Variants in COL28A1 observed in about 807,000 individuals in gnomAD.
COL28A1 encodes collagen type XXVIII alpha 1 chain, also known as collagen alpha-1(XXVIII) chain.
Under a neutral mutation model 150.2 loss-of-function variants are expected in COL28A1, and 161 were observed. That is an observed-to-expected ratio of 1.07 (90% CI 0.94 to 1.22). The LOEUF is 1.22. COL28A1 is among the 50% of genes most tolerant of loss of function. The pLI is 0.00. For missense variants in COL28A1, 1,617 were observed against 1,388.3 expected (o/e 1.16, Z -2.62); for synonymous variants, 552 against 469.7 (o/e 1.18, Z -2.26).
At chr7:7,480,456 C>A (rs1789292371) in intron 13 of COL28A1, among the ~76,000 whole-genome samples, 1 of 152,068 alleles carries the variant, frequency 6.6e-6, no homozygotes, top group Admixed American at 6.6e-5. Context: ...TAAATAGGAG[C>A]ATGAAAATTA....
At chr7:7,468,037 A>T (rs1209877783) in intron 15 of COL28A1, among the ~76,000 whole-genome samples, 2 of 39,934 alleles carry the variant, frequency 5.0e-5, no homozygotes, top group Non-Finnish European at 8.8e-5. Context: ...CTAACATCAC[A>T]ATTAAAAGAA....
At chr7:7,541,095 A>G in the COL28A1 span, among the ~76,000 whole-genome samples, 1 of 152,310 alleles carries the variant, frequency 6.6e-6, no homozygotes, top group African/African-American at 2.4e-5. Context: ...TAAGAGCATT[A>G]AGTAACTTAT....
chr7:7,417,806 C>T, intron 27 of COL28A1, 53 bp downstream of exon 27: 1 of 1,478,228 alleles, frequency 6.8e-7, no homozygotes, highest in Non-Finnish European at 9.4e-7. Context: ...ACCTCTTCTC[C>T]CAATCACTCT....
intron 32 of COL28A1, among the ~76,000 whole-genome samples, chr7:7,372,267 C>T (rs537555388): frequency 2.0e-5 from 3 of 151,596 alleles, no homozygotes; most frequent in African/African-American, 4.8e-5. Flanking sequence ...GGCATGGTGG[C>T]GCGTGCCTGT....
chr7:7,380,680 TG>T lies in COL28A1; in HGVS notation c.2301del (p.Gly769GlufsTer3). ...GSPGKQGLQG[P>X]KGDLGLTKEE... ...CTCACTGTAAGTCCTAGGTCTCCTTTGGGTCCTTGTAAACCCTACTTAGTGG... is the reference window on the plus strand; with the variant it reads ...CTCACTGTAAGTCCTAGGTCTCCTTTGGTCCTTGTAAACCCTACTTAGTGG... On this transcript the variant is annotated frameshift_variant, in exon 30 of 35. Coordinates refer to ENST00000399429, the MANE Select transcript of COL28A1 (RefSeq NM_001037763.3). LOFTEE classifies it high-confidence loss of function. The T allele has an allele frequency of 1.2e-6, 2 of 1,613,844 alleles. No individual in the cohort carries two copies. The highest frequency in any genetic ancestry group is 1.7e-6 in the Non-Finnish European group (2 of 1,179,724).
At chr7:7,364,225 A>C (rs1349432435) in intron 33 of COL28A1, among the ~76,000 whole-genome samples, 1 of 152,230 alleles carries the variant, frequency 6.6e-6, no homozygotes, top group Non-Finnish European at 1.5e-5. Context: ...GAGTAACAGA[A>C]TATGCCTCCC....
upstream of COL28A1, among the ~76,000 whole-genome samples, chr7:7,537,203 G>A (rs899658402): frequency 1.3e-5 from 2 of 152,192 alleles, no homozygotes; most frequent in Non-Finnish European, 2.9e-5. Context: ...ATACAAGGCA[G>A]GAACCAGCCC....
At chr7:7,350,543 C>T in the COL28A1 span, among the ~76,000 whole-genome samples, 1 of 151,902 alleles carries the variant, frequency 6.6e-6, no homozygotes, top group East Asian at 1.9e-4. Flanking sequence ...TATACCAATT[C>T]CAATATTTAT....
chr7:7,435,311 G>C (rs911468729), intron 23 of COL28A1, among the ~76,000 whole-genome samples: 1 of 152,208 alleles, frequency 6.6e-6, no homozygotes, highest in Non-Finnish European at 1.5e-5. Flanking sequence ...CATAGCTGCA[G>C]TTTTCAAATT....
At chr7:7,511,662 T>C (rs1203570146) in intron 8 of COL28A1, 4 of 457,426 alleles carry the variant, frequency 8.7e-6, no homozygotes, top group African/African-American at 2.0e-5. Flanking sequence ...CTTGACCACC[T>C]AGTAGTGTTC....
chr7:7,488,812 T>C (rs186566634), intron 13 of COL28A1, among the ~76,000 whole-genome samples: 1 of 152,324 alleles, frequency 6.6e-6, no homozygotes, highest in East Asian at 1.9e-4. Context: ...CAGATCTTCC[T>C]AGAAAATTTT....
chr7:7,399,887 A>C (rs1783070521), intron 27 of COL28A1, among the ~76,000 whole-genome samples: 1 of 152,252 alleles, frequency 6.6e-6, no homozygotes, highest in South Asian at 2.1e-4. Flanking sequence ...TGCATAGGCC[A>C]CTTCAGCAGA....
intron 27 of COL28A1, among the ~76,000 whole-genome samples, chr7:7,389,388 G>A (rs536388057): frequency 5.3e-5 from 8 of 152,134 alleles, no homozygotes; most frequent in East Asian, 3.9e-4. Context: ...CATGCTGTTT[G>A]GGTTACTGTA....
In COL28A1 at chr7:7,417,906, A is replaced by T; in HGVS notation, c.2089T>A (p.Leu697Met). ...GPKGDTGQKGLPGPPGPPGYG... is the reference protein window; with the variant it reads ...GPKGDTGQKGMPGPPGPPGYG... ...CCAGGGGGGCCAGGAGGGCCAGGCA[A>T]GCCTTTCTGCCCAGTATCACCCTGT... The change falls in exon 27 of 35, where the codon TTG (leucine) becomes ATG (methionine). Residue 697 changes from leucine to methionine, a missense_variant. Transcript: ENST00000399429. 1 of 1,613,550 alleles carries T rather than the reference A, an allele frequency of 6.2e-7. No homozygotes were observed. The highest frequency in any genetic ancestry group is 8.5e-7 in the Non-Finnish European group (1 of 1,179,708).
At chr7:7,431,563 C>A (rs1427602113) in intron 25 of COL28A1, 1 of 471,016 alleles carries the variant, frequency 2.1e-6, no homozygotes. Flanking sequence ...GCCATTTTGG[C>A]TGAATGTCGG....
chr7:7,357,102 T>G (rs1259497980), downstream of COL28A1: 1 of 152,202 alleles, frequency 6.6e-6, no homozygotes, highest in Non-Finnish European at 1.5e-5. Context: ...CAGGCTGGAG[T>G]GCAGTGGGGC....
chr7:7,477,332 A>G, intron 13 of COL28A1, 152 bp from the exon 14 acceptor site: 1 of 611,142 alleles, frequency 1.6e-6, no homozygotes, highest in Non-Finnish European at 2.9e-6. Flanking sequence ...AAACATGTAC[A>G]GGCTTTTTCT....
chr7:7,489,298 G>A, intron 13 of COL28A1, 91 bp downstream of exon 13: 1 of 786,488 alleles, frequency 1.3e-6, no homozygotes, highest in Non-Finnish European at 2.2e-6. Context: ...TAGATACAAG[G>A]TGGATTAATC....
intron 25 of COL28A1, among the ~76,000 whole-genome samples, chr7:7,421,497 C>G (rs1053962963): frequency 5.9e-5 from 9 of 151,946 alleles, no homozygotes; most frequent in Non-Finnish European, 1.2e-4. Context: ...AAAAAAGAAC[C>G]AGGGTCAGGC....
Sources: gnomAD v4.1 joint callset for allele counts (sites outside exome capture counted in the v4.1 genomes callset) on GRCh38, gnomAD v4.1.1 for gene constraint, MANE v1.5 for transcripts, NCBI Gene and HGNC (gene_info 2026-07-23, HGNC 2026-07-21) for gene names.